The following FXR2 variants were observed in gnomAD, a reference collection of about 807,000 sequenced individuals.
FXR2 encodes the protein RNA-binding protein FXR2.
FXR2 carries 9 observed loss-of-function variants against 87.3 expected under a neutral mutation model. The ratio of observed to expected loss-of-function variants is 0.10; its 90% CI spans 0.06 to 0.18. The LOEUF is 0.18. Among genes scored for constraint, FXR2 ranks in the 10% least tolerant of loss-of-function variants. FXR2 has a pLI of 1.00. For missense variants in FXR2, 661 were observed against 893.6 expected (o/e 0.74, Z 3.32); for synonymous variants, 331 against 328.3 (o/e 1.01, Z -0.09).
In FXR2 at chr17:7,591,413, C is replaced by T. The variant is rs528030864; in HGVS notation, c.*417G>A. ...CCACCCACTTATCTCTTACTATCCC[C>T]GTCTTCCACAGTGATGAGGCCCCAG... On this transcript the variant is annotated 3_prime_UTR_variant, in exon 17 of 17. Transcript: ENST00000250113. This position sits in a 1 kb window ranked among gnomAD's most constrained non-coding sequence, Gnocchi z 4.0. 6 of 202,678 alleles carry T rather than the reference C, an allele frequency of 3.0e-5. No homozygotes were observed. The highest frequency in any genetic ancestry group is 9.5e-5 in the African/African-American group (4 of 42,160). The allele number at this position is 202,678 out of a possible 1,614,324, so 12.6% of individuals were successfully genotyped here.
At chr17:7,609,864 C>CTA (rs1451635985) in intron 1 of FXR2, among the ~76,000 whole-genome samples, 12 of 148,576 alleles carry the variant, frequency 8.1e-5, no homozygotes, top group African/African-American at 2.0e-4. Flanking sequence ...CCCATTGCTA[C>CTA]TATATATATA....
In FXR2 at chr17:7,594,040, G is replaced by A. The variant is rs1190216035; in HGVS notation, c.1021-36C>T. 5.8e-6 allele frequency: 8 copies of A among 1,379,502 alleles called. No individual in the cohort carries two copies. Among genetic ancestry groups the A allele is most frequent in the Non-Finnish European group, 8.3e-6 (8 of 965,472 alleles). 85.5% of individuals were successfully genotyped at this position (1,379,502 alleles called of 1,614,324 possible). On this transcript the variant is annotated intron_variant, in intron 10 of 16. Coordinates refer to ENST00000250113, the MANE Select transcript of FXR2 (RefSeq NM_004860.4). This position sits in a 1 kb window ranked among gnomAD's most constrained non-coding sequence, Gnocchi z 5.1. The stretch of plus-strand genomic sequence containing the variant: ...GAGAGCAGAAACGATGGATCAGAAA[G>A]GAAAATGAAATGGAAGGATTAACGC...
At chr17:7,613,206 G>C (rs1283321486) in intron 1 of FXR2, among the ~76,000 whole-genome samples, 1 of 151,754 alleles carries the variant, frequency 6.6e-6, no homozygotes, top group African/African-American at 2.4e-5. Flanking sequence ...TGAAGGAAAG[G>C]GGGAAGGGGG....
At position 7,593,669 on chromosome 17, in the gene FXR2, C is replaced by T; in HGVS notation, c.1108-44G>A. 7.6e-7 allele frequency: 1 copy of T among 1,323,024 alleles called. No homozygotes were observed. The highest frequency in any genetic ancestry group is 1.1e-6 in the Non-Finnish European group (1 of 944,262). 82.0% of individuals were successfully genotyped at this position (1,323,024 alleles called of 1,614,324 possible). A position where few individuals can be genotyped will look rare whatever the true frequency, so the allele number is the denominator to read the frequency against. On this transcript the variant is annotated intron_variant, in intron 11 of 16. Transcript: ENST00000250113. The surrounding 1 kb of genome is among the most constrained non-coding windows in gnomAD (Gnocchi z 6.1). ...GAAGAAGGGGAAGGAGAAATAAGAT[C>T]AGTGCCTTGCTTCATGCTTCTGCAC... is the stretch of plus-strand genomic sequence containing the variant.
At chr17:7,606,736 AGAATT>A (rs748836218) in intron 1 of FXR2, among the ~76,000 whole-genome samples, 1 of 152,224 alleles carries the variant, frequency 6.6e-6, no homozygotes, top group African/African-American at 2.4e-5. Context: ...TTTTAATACT[AGAATT>A]GAATCTAGAA....
intron 1 of FXR2, among the ~76,000 whole-genome samples, chr17:7,611,125 T>G (rs557964273): frequency 6.6e-6 from 1 of 152,246 alleles, no homozygotes; most frequent in South Asian, 2.1e-4. Context: ...GAATACTTCA[T>G]TTGGGAGAGT....
chr17:7,600,845 T>C (rs28567456), intron 7 of FXR2, among the ~76,000 whole-genome samples: 4,808 of 150,776 alleles, frequency 0.032, 242 homozygotes, highest in East Asian at 0.23. Context: ...GACTATACCA[T>C]TACACTACAG....
chr17:7,605,878 G>A lies in FXR2; in HGVS notation c.135-140C>T, dbSNP rs939489300. 26 of 663,346 alleles carry A rather than the reference G, an allele frequency of 3.9e-5. No homozygotes were observed. The African/African-American group carries it at 4.3e-4, about 11-fold the overall frequency. The allele number at this position is 663,346 out of a possible 1,614,324, so 41.1% of individuals were successfully genotyped here. ...GCTAAACCCCAGGCCCTGCTCCATA[G>A]TAGTGTCTTCCATCTCTTTCTAGAC... On this transcript the variant is annotated intron_variant, in intron 2 of 16. Coordinates refer to ENST00000250113, the MANE Select transcript of FXR2 (RefSeq NM_004860.4).
intron 1 of FXR2, among the ~76,000 whole-genome samples, chr17:7,608,336 G>A (rs1184250658): frequency 6.6e-6 from 1 of 151,172 alleles, no homozygotes; most frequent in Non-Finnish European, 1.5e-5. Flanking sequence ...GCACACGCCT[G>A]TAATCCCAAC....
chr17:7,603,504 G>GC (rs1487224761), intron 5 of FXR2, among the ~76,000 whole-genome samples: 2 of 142,908 alleles, frequency 1.4e-5, no homozygotes, highest in African/African-American at 2.7e-5. Context: ...TCCAGCCTGG[G>GC]CAACAAGAGC....
intron 7 of FXR2, among the ~76,000 whole-genome samples, chr17:7,598,524 C>G (rs187556730): frequency 6.6e-6 from 1 of 151,994 alleles, no homozygotes; most frequent in Non-Finnish European, 1.5e-5. Flanking sequence ...TCTCAGTATA[C>G]GCACAATAAA....
At chr17:7,609,906 ATATATGTATATATACATG>A (rs1486570224) in intron 1 of FXR2, among the ~76,000 whole-genome samples, 9 of 136,004 alleles carry the variant, frequency 6.6e-5, no homozygotes, top group South Asian at 2.3e-4. Context: ...ACACATACAT[ATATATGTATATATACATG>A]TATATGTATA....
At chr17:7,605,560 G>A (rs2071796364) in intron 3 of FXR2, 85 bp downstream of exon 3, 2 of 718,286 alleles carry the variant, frequency 2.8e-6, no homozygotes, top group South Asian at 3.2e-5. Flanking sequence ...CTTAGTTGGG[G>A]AGGAAGGAAC....
intron 1 of FXR2, among the ~76,000 whole-genome samples, chr17:7,609,974 GTATACA>G (rs1477034431): frequency 1.2e-4 from 11 of 94,756 alleles, no homozygotes; most frequent in South Asian, 3.3e-4. Flanking sequence ...ACATGTATAT[GTATACA>G]TATATATATA....
chr17:7,614,174 C>A (rs1032040530), intron 1 of FXR2: 1 of 651,882 alleles, frequency 1.5e-6, no homozygotes, highest in Non-Finnish European at 2.8e-6. Flanking sequence ...GTCTCTCCTG[C>A]GGAGCGGGGA....
chr17:7,609,522 T>C (rs2071831843), intron 1 of FXR2, among the ~76,000 whole-genome samples: 1 of 152,216 alleles, frequency 6.6e-6, no homozygotes, highest in East Asian at 1.9e-4. Context: ...TGACATTCTC[T>C]TCTCCAGAAA....
chr17:7,591,456 T>A lies in FXR2; in HGVS notation c.*374A>T, dbSNP rs2071658916. On this transcript the variant is annotated 3_prime_UTR_variant, in exon 17 of 17. Transcript: ENST00000250113. This position sits in a 1 kb window ranked among gnomAD's most constrained non-coding sequence, Gnocchi z 4.0. The stretch of plus-strand genomic sequence containing the variant: ...GGCCCCAGAAATGGGGGGTACAGGA[T>A]GGGAGGAGGGATAGCAGGGGAGGCC... 1 of 256,598 alleles carries A rather than the reference T, an allele frequency of 3.9e-6. No homozygotes were observed. The highest frequency in any genetic ancestry group is 2.3e-5 in the African/African-American group (1 of 43,110). The allele number at this position is 256,598 out of a possible 1,614,324, so 15.9% of individuals were successfully genotyped here. A position where few individuals can be genotyped will look rare whatever the true frequency, so the allele number is the denominator to read the frequency against.
intron 7 of FXR2, 197 bp from the exon 8 acceptor site, chr17:7,596,191 T>C (rs893456331): frequency 3.9e-6 from 2 of 509,462 alleles, no homozygotes; most frequent in Non-Finnish European, 7.0e-6. Context: ...GGCGTCTCGC[T>C]CTGTCGCCCA....
chr17:7,592,879 T>C lies in FXR2; in HGVS notation c.1544A>G (p.Asp515Gly), dbSNP rs1437614872. Residue 515 changes from aspartate (D) to glycine (G), a missense_variant, in exon 14 of 17, where the codon GAC (aspartate) becomes GGC (glycine). Around this residue, in one of 3 missense-constraint regions of FXR2, gnomAD observed 409 missense variants for 432.0 expected, o/e 0.95. Coordinates refer to ENST00000250113, the MANE Select transcript of FXR2 (RefSeq NM_004860.4). The surrounding 1 kb of genome is among the most constrained non-coding windows in gnomAD (Gnocchi z 4.8). Reference sequence around the variant, plus strand: ...GTCCAATAGGCTGTAGGGATTACTGTCTGGATCCTTCAGCACTGGTCAGAG... The same window carrying C: ...GTCCAATAGGCTGTAGGGATTACTGCCTGGATCCTTCAGCACTGGTCAGAG... ...SSISSVLKDP[D>G]SNPYSLLDTS... 1 of 1,584,030 alleles carries C rather than the reference T, an allele frequency of 6.3e-7. No homozygotes were observed. The highest frequency in any genetic ancestry group is 8.6e-7 in the Non-Finnish European group (1 of 1,163,970).
Sources: gnomAD v4.1 joint callset for allele counts (sites outside exome capture counted in the v4.1 genomes callset) on GRCh38, gnomAD v4.1.1 for gene constraint, gnomAD v4.1.1 regional missense constraint, Gnocchi (gnomAD v3.1) non-coding constraint, MANE v1.5 for transcripts, NCBI Gene and HGNC (gene_info 2026-07-23, HGNC 2026-07-21) for gene names.